EBF1: variants seen among roughly 807,000 people sequenced by gnomAD.
EBF1 encodes the protein EBF transcription factor 1, also known as transcription factor COE1.
A neutral mutation model predicts 68.4 loss-of-function variants in EBF1; 10 were observed. That is an observed-to-expected ratio of 0.15 (90% CI 0.09 to 0.25). EBF1 has a LOEUF of 0.25. Ranked by LOEUF, EBF1 falls within the 10% of genes least tolerant of loss-of-function variation. The pLI, the probability that EBF1 is intolerant of heterozygous loss-of-function variation, is 1.00. For synonymous variants in EBF1, 298 were observed against 299.8 expected (o/e 0.99, Z 0.06); for missense variants, 509 against 794.4 (o/e 0.64, Z 4.32).
Position 159,099,492 on chromosome 5 carries a change from T to C in EBF1, c.-14A>G. 2 of 1,490,302 alleles carry C rather than the reference T, an allele frequency of 1.3e-6. No homozygotes were observed. The highest frequency in any genetic ancestry group is 1.8e-6 in the Non-Finnish European group (2 of 1,116,734). The allele number at this position is 1,490,302 out of a possible 1,614,324, so 92.3% of individuals were successfully genotyped here. ...AATCCCAAACATGAAAACAACCTTT[T>C]CTTGTGGAAAATCTCCTCCCCCTTG... On this transcript the variant is annotated 5_prime_UTR_variant, in exon 1 of 16. Transcript: ENST00000313708.
chr5:159,040,161 C>T (rs979165030), intron 6 of EBF1, among the ~76,000 whole-genome samples: 2 of 152,138 alleles, frequency 1.3e-5, no homozygotes, highest in African/African-American at 4.8e-5. Context: ...AAAGCTGACC[C>T]TGGCCAGTAA....
At chr5:158,993,752 C>G (rs886097885) in intron 6 of EBF1, among the ~76,000 whole-genome samples, 2 of 152,174 alleles carry the variant, frequency 1.3e-5, no homozygotes, top group Non-Finnish European at 2.9e-5. Context: ...CTCTGTCCAG[C>G]CTTCCAAGTC....
chr5:159,096,159 C>T (rs6895454), intron 3 of EBF1, 184 bp downstream of exon 3: 71,983 of 636,854 alleles, frequency 0.11, 6,276 homozygotes, highest in East Asian at 0.38. Context: ...CGATAAGGCT[C>T]TTGGGCCACT....
rs1415478986 is a variant in EBF1, at chr5:159,094,164, G to GT, written c.411+1455_411+1456insA. 9.8e-3 allele frequency among the ~76,000 whole-genome samples: 139 copies of GT among 14,228 alleles called. 1 individual carries two copies. Among genetic ancestry groups the GT allele is most frequent in the Non-Finnish European group, 0.016 (123 of 7,542 alleles). The allele number at this position is 14,228 out of a possible 152,430, so 9.3% of individuals were successfully genotyped here. On this transcript the variant is annotated intron_variant, in intron 4 of 15. Coordinates refer to ENST00000313708, the MANE Select transcript of EBF1 (RefSeq NM_024007.5). ...GGCTTTTGTGTTTCTGCCTTGGAAG[G>GT]CAAAAAAAAAAAAAAAAAAAAAAAA... is the stretch of plus-strand genomic sequence containing the variant.
intron 6 of EBF1, among the ~76,000 whole-genome samples, chr5:158,906,989 C>T (rs1804789205): frequency 6.6e-6 from 1 of 152,222 alleles, no homozygotes; most frequent in African/African-American, 2.4e-5. Context: ...GGTTCATTTA[C>T]TCAGAAAATA....
chr5:158,723,724 C>G (rs1399431191), intron 11 of EBF1, among the ~76,000 whole-genome samples: 1 of 152,110 alleles, frequency 6.6e-6, no homozygotes, highest in Non-Finnish European at 1.5e-5. Context: ...GTATAAATCT[C>G]AGTTTCCTCA....
intron 6 of EBF1, among the ~76,000 whole-genome samples, chr5:158,994,003 C>T (rs1480068754): frequency 2.0e-5 from 3 of 152,142 alleles, no homozygotes; most frequent in African/African-American, 7.2e-5. Flanking sequence ...ATAAATGACC[C>T]CAGTTATCAT....
chr5:158,772,531 T>C (rs1243051619), intron 10 of EBF1, among the ~76,000 whole-genome samples: 3 of 152,198 alleles, frequency 2.0e-5, no homozygotes, highest in Non-Finnish European at 4.4e-5. Flanking sequence ...ATTAGCTGTG[T>C]GATGCATTCC....
intron 15 of EBF1, among the ~76,000 whole-genome samples, chr5:158,700,191 G>A (rs1441239027): frequency 6.6e-6 from 1 of 152,198 alleles, no homozygotes; most frequent in African/African-American, 2.4e-5. Flanking sequence ...CTTTTCTGAG[G>A]TGTATTTGCT....
At chr5:158,792,520 C>T (rs1050936823) in intron 9 of EBF1, among the ~76,000 whole-genome samples, 4 of 152,202 alleles carry the variant, frequency 2.6e-5, no homozygotes, top group Non-Finnish European at 5.9e-5. Context: ...AAAAAAGACT[C>T]TAAATAATGG....
intron 11 of EBF1, among the ~76,000 whole-genome samples, chr5:158,723,543 T>C (rs574422692): frequency 4.6e-5 from 7 of 152,246 alleles, no homozygotes; most frequent in African/African-American, 1.7e-4. Context: ...TGGCAAAATA[T>C]ATGCATTCTT....
intron 6 of EBF1, among the ~76,000 whole-genome samples, chr5:158,899,545 G>A (rs1802857036): frequency 6.6e-6 from 1 of 152,218 alleles, no homozygotes; most frequent in Non-Finnish European, 1.5e-5. Flanking sequence ...ATGTCCCTCT[G>A]AATCCCAATG....
chr5:158,774,625 C>T (rs1018297339), intron 10 of EBF1, among the ~76,000 whole-genome samples: 1 of 152,054 alleles, frequency 6.6e-6, no homozygotes, highest in African/African-American at 2.4e-5. Flanking sequence ...AAGGAGGGGG[C>T]CGTACATTTG....
At chr5:158,817,831 C>T (rs1330359247) in intron 8 of EBF1, among the ~76,000 whole-genome samples, 4 of 152,194 alleles carry the variant, frequency 2.6e-5, no homozygotes, top group African/African-American at 9.7e-5. Context: ...TATCCTACTG[C>T]ACCTAGCTTA....
At chr5:158,744,496 T>C (rs1190377330) in intron 10 of EBF1, among the ~76,000 whole-genome samples, 1 of 152,114 alleles carries the variant, frequency 6.6e-6, no homozygotes, top group Non-Finnish European at 1.5e-5. Context: ...ATTAGTATAT[T>C]AGGAAGTTGT....
At chr5:158,840,616 A>G (rs1289842124) in intron 6 of EBF1, among the ~76,000 whole-genome samples, 2 of 147,678 alleles carry the variant, frequency 1.4e-5, no homozygotes, top group Non-Finnish European at 3.0e-5. Flanking sequence ...CAAACTAACT[A>G]AACTCCTTTG....
chr5:159,010,202 T>A (rs1345374273), intron 6 of EBF1, among the ~76,000 whole-genome samples: 2 of 152,160 alleles, frequency 1.3e-5, no homozygotes, highest in Non-Finnish European at 2.9e-5. Context: ...AGTCACGATA[T>A]CCTCGCAGAT....
At chr5:158,855,125 G>A (rs928453636) in intron 6 of EBF1, among the ~76,000 whole-genome samples, 1 of 152,108 alleles carries the variant, frequency 6.6e-6, no homozygotes, top group African/African-American at 2.4e-5. Context: ...GTAAAACCAC[G>A]TGATAAGAGC....
At chr5:159,075,936 A>T (rs78925852) in intron 5 of EBF1, among the ~76,000 whole-genome samples, 6,817 of 152,080 alleles carry the variant, frequency 0.045, 313 homozygotes, top group African/African-American at 0.12. Context: ...TTCCCTAGTT[A>T]GCCAATCTTT....
Sources: allele counts gnomAD v4.1 joint callset (sites outside exome capture counted in the v4.1 genomes callset), GRCh38; gene constraint gnomAD v4.1.1; transcripts MANE v1.5; gene names NCBI Gene and HGNC (gene_info 2026-07-23, HGNC 2026-07-21).